Variants in LEPROTL1 observed in about 807,000 individuals in gnomAD.
LEPROTL1 encodes the protein leptin receptor overlapping transcript-like 1.
A neutral mutation model predicts 15.4 loss-of-function variants in LEPROTL1; 6 were observed. The observed-to-expected ratio is 0.39, with a 90% CI of 0.21 to 0.77. LEPROTL1 has a LOEUF of 0.77. Among genes scored for constraint, LEPROTL1 ranks in the 30% least tolerant of loss-of-function variants. The pLI, the probability that LEPROTL1 is intolerant of heterozygous loss-of-function variation, is 0.41. For missense variants in LEPROTL1, 128 were observed against 158.1 expected (o/e 0.81, Z 1.02); for synonymous variants, 56 against 52.6 (o/e 1.06, Z -0.28).
chr8:30,122,592 A>G, intron 3 of LEPROTL1, among the ~76,000 whole-genome samples: 1 of 152,104 alleles, frequency 6.6e-6, no homozygotes, highest in East Asian at 1.9e-4. Flanking sequence ...GGAGTTCAAA[A>G]CCAGCCTGGC....
rs76191438 is a variant in LEPROTL1, at chr8:30,135,111, C to G, written c.395-2161C>G. ...TTCACTATGTTGGCCTGGCTAGTCT[C>G]AAACTCCTGGCCTCAAGTGATCCAC... is the stretch of plus-strand genomic sequence containing the variant. On this transcript the variant is annotated intron_variant, in intron 4 of 4. Coordinates refer to the LEPROTL1 transcript ENST00000442880. Among the ~76,000 whole-genome samples the G allele has an allele frequency of 5.4e-3, 794 of 148,236 alleles. 7 individuals carry two copies. Among genetic ancestry groups the G allele is most frequent in the African/African-American group, 0.019 (763 of 40,148 alleles).
intron 3 of LEPROTL1, among the ~76,000 whole-genome samples, chr8:30,129,710 G>GTC (rs765601094): frequency 0.036 from 3,764 of 105,100 alleles, 63 homozygotes; most frequent in African/African-American, 0.049. Context: ...GTGAGACCCT[G>GTC]TCACACACAC....
Position 30,101,913 on chromosome 8 carries a change from C to T in LEPROTL1, c.32C>T (p.Ser11Phe). ...TGCTTTGCAGCTTTGATTAGTTTGT[C>T]CTTTGGAGGAGCAATCGGACTGATG... MAGIKALISL[S>F]FGGAIGLMFL... The change falls in exon 2 of 4, where the codon TCC becomes TTC. Residue 11 changes from serine to phenylalanine, a missense_variant. Transcript: ENST00000321250. The T allele has an allele frequency of 6.2e-7, 1 of 1,606,314 alleles. No homozygotes were observed. The highest frequency in any genetic ancestry group is 8.5e-7 in the Non-Finnish European group (1 of 1,174,842).
intron 3 of LEPROTL1, among the ~76,000 whole-genome samples, chr8:30,122,871 G>C (rs1802850275): frequency 6.6e-6 from 1 of 152,182 alleles, no homozygotes; most frequent in Non-Finnish European, 1.5e-5. Context: ...CTTAACAATT[G>C]TAACAGTTAC....
chr8:30,121,267 T>A (rs1445518113), intron 3 of LEPROTL1, among the ~76,000 whole-genome samples: 7 of 152,124 alleles, frequency 4.6e-5, no homozygotes, highest in Non-Finnish European at 8.8e-5. Flanking sequence ...TTTTTGTTTT[T>A]TTTGAGATGG....
intron 3 of LEPROTL1, among the ~76,000 whole-genome samples, chr8:30,130,144 G>A (rs1354372935): frequency 6.6e-6 from 1 of 152,118 alleles, no homozygotes; most frequent in Admixed American, 6.6e-5. Context: ...GAGAAGGATT[G>A]GTTTGGAATA....
In LEPROTL1 at chr8:30,095,483, G is replaced by A. The variant is rs1038139212; in HGVS notation, c.-30G>A. 1.3e-5 allele frequency: 19 copies of A among 1,464,572 alleles called. No individual in the cohort carries two copies. Among genetic ancestry groups the A allele is most frequent in the African/African-American group, 1.2e-4 (8 of 68,022 alleles). The allele number at this position is 1,464,572 out of a possible 1,614,324, so 90.7% of individuals were successfully genotyped here. On this transcript the variant is annotated 5_prime_UTR_variant, in exon 1 of 4. Transcript: ENST00000321250. ...TGCCGCTGCTGCCGCCGCCGCCTCG[G>A]GTCGTGGAGCCAGGAGCGACGTCAC...
At chr8:30,125,712 T>G (rs537536789) in intron 3 of LEPROTL1, among the ~76,000 whole-genome samples, 6 of 152,354 alleles carry the variant, frequency 3.9e-5, no homozygotes, top group African/African-American at 1.4e-4. Flanking sequence ...ATGGAATTGC[T>G]TGGGTCCCAC....
At chr8:30,128,014 G>A (rs1802934237) in intron 3 of LEPROTL1, among the ~76,000 whole-genome samples, 1 of 152,076 alleles carries the variant, frequency 6.6e-6, no homozygotes, top group Non-Finnish European at 1.5e-5. Context: ...CAAATGGGAG[G>A]GAGCAGCGGG....
At chr8:30,135,270 TA>T (rs1445927937) in intron 4 of LEPROTL1, among the ~76,000 whole-genome samples, 2 of 152,110 alleles carry the variant, frequency 1.3e-5, no homozygotes, top group African/African-American at 4.8e-5. Flanking sequence ...ATGGGGAAAT[TA>T]AACATTAGAG....
downstream of LEPROTL1, among the ~76,000 whole-genome samples, chr8:30,110,366 C>CGTGT (rs147540914): frequency 5.3e-5 from 8 of 151,470 alleles, no homozygotes; most frequent in African/African-American, 1.7e-4. Context: ...GGCAGTACTC[C>CGTGT]GTGTGTGTGT....
At chr8:30,131,142 G>A (rs1328081926) in intron 3 of LEPROTL1, among the ~76,000 whole-genome samples, 1 of 151,076 alleles carries the variant, frequency 6.6e-6, no homozygotes, top group Non-Finnish European at 1.5e-5. Flanking sequence ...ACCAGGCTGG[G>A]GTGCAGTGGC....
intron 3 of LEPROTL1, among the ~76,000 whole-genome samples, chr8:30,105,431 T>A (rs534202181): frequency 6.6e-6 from 1 of 152,062 alleles, no homozygotes; most frequent in African/African-American, 2.4e-5. Flanking sequence ...GTCAAGCTTG[T>A]TTTTGAATGG....
chr8:30,121,263 T>G (rs1778297400), intron 3 of LEPROTL1, among the ~76,000 whole-genome samples: 1 of 150,850 alleles, frequency 6.6e-6, no homozygotes, highest in Non-Finnish European at 1.5e-5. Context: ...TTTGTTTTTG[T>G]TTTTTTTGAG....
intron 3 of LEPROTL1, among the ~76,000 whole-genome samples, chr8:30,129,897 G>A (rs941128142): frequency 6.6e-6 from 1 of 152,104 alleles, no homozygotes; most frequent in African/African-American, 2.4e-5. Context: ...CAGGAGGCAC[G>A]TTTTACATGG....
At chr8:30,095,666 C>A in intron 1 of LEPROTL1, 138 bp downstream of exon 1, 1 of 750,722 alleles carries the variant, frequency 1.3e-6, no homozygotes, top group Non-Finnish European at 2.0e-6. Flanking sequence ...CGACCCCCGC[C>A]CCGGCCCTGC....
chr8:30,113,758 C>T (rs1398306199), intron 3 of LEPROTL1, among the ~76,000 whole-genome samples: 1 of 152,194 alleles, frequency 6.6e-6, no homozygotes, highest in Non-Finnish European at 1.5e-5. Context: ...CACTGTGCCT[C>T]TCCGTTTAGT....
chr8:30,114,417 A>G (rs1277061430), intron 3 of LEPROTL1, among the ~76,000 whole-genome samples: 1 of 151,752 alleles, frequency 6.6e-6, no homozygotes, highest in Non-Finnish European at 1.5e-5. Flanking sequence ...CAGCCTCCCG[A>G]GTAGCTGGGA....
downstream of LEPROTL1, among the ~76,000 whole-genome samples, chr8:30,108,870 G>A (rs971597234): frequency 2.0e-5 from 3 of 151,504 alleles, no homozygotes; most frequent in African/African-American, 7.3e-5. Flanking sequence ...TCAAGTTATC[G>A]CCCTGCCGCT....
Sources: allele counts gnomAD v4.1 joint callset (sites outside exome capture counted in the v4.1 genomes callset), GRCh38; gene constraint gnomAD v4.1.1; transcripts MANE v1.5; gene names NCBI Gene and HGNC (gene_info 2026-07-23, HGNC 2026-07-21).